KIAA1549L: variants seen among roughly 807,000 people sequenced by gnomAD.
The protein encoded by KIAA1549L is KIAA1549 like.
A neutral mutation model predicts 160.7 loss-of-function variants in KIAA1549L; 88 were observed. The ratio of observed to expected loss-of-function variants is 0.55; its 90% CI spans 0.46 to 0.65. The LOEUF is 0.65. KIAA1549L is among the 30% of genes least tolerant of loss of function. KIAA1549L has a pLI of 0.00. For missense variants in KIAA1549L, 2,258 were observed against 2,437.5 expected (o/e 0.93, Z 1.55); for synonymous variants, 950 against 976.7 (o/e 0.97, Z 0.51).
chr11:33,438,438 G>A (rs972919104), intron 1 of KIAA1549L, among the ~76,000 whole-genome samples: 4 of 152,206 alleles, frequency 2.6e-5, no homozygotes, highest in Non-Finnish European at 4.4e-5. Context: ...AAAGAATCTG[G>A]CAGCTTTGGG....
rs1470998285 is a variant in KIAA1549L at position 33,551,129 on chromosome 11, A to G, written c.3591A>G (p.Glu1197=). The G allele has an allele frequency of 7.4e-6, 12 of 1,613,988 alleles. No homozygotes were observed. Among genetic ancestry groups the G allele is most frequent in the Non-Finnish European group, 9.3e-6 (11 of 1,179,864 alleles). Residue 1197 remains glutamate (E), a synonymous_variant, in exon 5 of 21, where the codon GAA becomes GAG. Coordinates refer to ENST00000658780, the MANE Select transcript of KIAA1549L (RefSeq NM_012194.3). ...TGTATTTGCCTGCTGTGGTGATCGA[A>G]ATGCTGGGTGTGTATGGAGTCAGCA... ...KLVYLPAVVI[E]MLGVYGVSNV... is the part of the protein sequence containing the mutation.
intron 1 of KIAA1549L, among the ~76,000 whole-genome samples, chr11:33,494,265 C>G (rs1365184906): frequency 6.6e-6 from 1 of 152,072 alleles, no homozygotes; most frequent in Non-Finnish European, 1.5e-5. Context: ...GCAAGAAAAC[C>G]AAAACTTAAT....
chr11:33,550,169 A>G (rs1854410770), intron 4 of KIAA1549L, among the ~76,000 whole-genome samples: 1 of 152,096 alleles, frequency 6.6e-6, no homozygotes, highest in Non-Finnish European at 1.5e-5. Context: ...ACAGCACACT[A>G]AAAAATAGTT....
chr11:33,653,868 C>T (rs1370363072), intron 17 of KIAA1549L, among the ~76,000 whole-genome samples: 1 of 151,896 alleles, frequency 6.6e-6, no homozygotes, highest in Non-Finnish European at 1.5e-5. Flanking sequence ...TTATTTACTT[C>T]CTCTACACTG....
chr11:33,420,925 A>C (rs1047941227), intron 1 of KIAA1549L, among the ~76,000 whole-genome samples: 1 of 152,184 alleles, frequency 6.6e-6, no homozygotes, highest in Non-Finnish European at 1.5e-5. Context: ...TTCTCGATGG[A>C]TGGAACCCAT....
intron 1 of KIAA1549L, among the ~76,000 whole-genome samples, chr11:33,407,664 C>T (rs141625525): frequency 2.1e-3 from 312 of 152,174 alleles, no homozygotes; most frequent in Middle Eastern, 3.4e-3. Context: ...CCTTTTAATT[C>T]CTTCAAACCA....
intron 1 of KIAA1549L, among the ~76,000 whole-genome samples, chr11:33,535,864 G>A (rs761436): frequency 1.3e-5 from 2 of 151,818 alleles, no homozygotes; most frequent in African/African-American, 4.8e-5. Context: ...ATTTGGTTTT[G>A]CCCTATTTCT....
At position 33,555,920 on chromosome 11, in the gene KIAA1549L, T is replaced by C. The variant is rs1391292972; in HGVS notation, c.3855+3679T>C. 2.6e-5 allele frequency among the ~76,000 whole-genome samples: 4 copies of C among 152,276 alleles called. No homozygotes were observed. In the East Asian group the frequency reaches 7.7e-4, roughly 29 times the overall value. The stretch of plus-strand genomic sequence containing the variant: ...TGCAAATCATATATCTGGTAAGTAG[T>C]TAATATTCAGAATATATAGAGAATA... On this transcript the variant is annotated intron_variant, in intron 6 of 20. Coordinates refer to ENST00000658780, the MANE Select transcript of KIAA1549L (RefSeq NM_012194.3).
rs201551936 is a variant in KIAA1549L, at chr11:33,440,120, C to CTTTTTTTTTTTTTTT, written c.238+63244_238+63258dup. ...GGTTATTTCCTCACCTATTTTGTTT[C>CTTTTTTTTTTTTTTT]TTTTTTTTTTTTTTTTTTTTTTTTT... On this transcript the variant is annotated intron_variant, in intron 1 of 20. Transcript: ENST00000658780. Among the ~76,000 whole-genome samples the CTTTTTTTTTTTTTTT allele has an allele frequency of 8.6e-4, 72 of 83,416 alleles. 13 individuals are homozygous for CTTTTTTTTTTTTTTT. The highest frequency in any genetic ancestry group is 1.3e-3 in the Non-Finnish European group (54 of 40,736). The allele number at this position is 83,416 out of a possible 152,430, so 54.7% of individuals were successfully genotyped here.
At chr11:33,459,967 A>AAAAAAAAAC (rs1851908871) in intron 1 of KIAA1549L, among the ~76,000 whole-genome samples, 1 of 148,802 alleles carries the variant, frequency 6.7e-6, no homozygotes, top group Non-Finnish European at 1.5e-5. Context: ...TCTCAAAAAA[A>AAAAAAAAAC]AAAAAAAAAA....
In KIAA1549L at chr11:33,645,812, G is replaced by A. The variant is rs754661833; in HGVS notation, c.5536G>A (p.Glu1846Lys). 4.3e-6 allele frequency: 7 copies of A among 1,613,950 alleles called. No individual in the cohort carries two copies. Among genetic ancestry groups the A allele is most frequent in the South Asian group, 3.3e-5 (3 of 91,086 alleles). The part of the protein sequence containing the change: ...STLSSQPSID[E>K]VRQQMHMLLE... ...ACTGAGCTCCCAGCCATCCATCGACGAGGTCAGGCAGCAGATGCACATGCT... is the reference window on the plus strand; with the variant it reads ...ACTGAGCTCCCAGCCATCCATCGACAAGGTCAGGCAGCAGATGCACATGCT... Residue 1846 changes from glutamate (E) to lysine (K), a missense_variant, in exon 17 of 21, where the codon GAG becomes AAG. By Grantham distance (56) the Glu-to-Lys change is moderately conservative. Coordinates refer to ENST00000658780, the MANE Select transcript of KIAA1549L (RefSeq NM_012194.3).
At chr11:33,512,186 C>G (rs1853241888) in intron 1 of KIAA1549L, among the ~76,000 whole-genome samples, 1 of 152,096 alleles carries the variant, frequency 6.6e-6, no homozygotes, top group African/African-American at 2.4e-5. Context: ...AAAAGATGGT[C>G]AGAGTTGTCT....
At chr11:33,503,691 T>C (rs1037975562) in intron 1 of KIAA1549L, among the ~76,000 whole-genome samples, 20 of 152,244 alleles carry the variant, frequency 1.3e-4, no homozygotes, top group African/African-American at 4.8e-4. Flanking sequence ...TGGCTGTACT[T>C]GTAACTTTAT....
intron 1 of KIAA1549L, among the ~76,000 whole-genome samples, chr11:33,383,082 G>C (rs2753412): frequency 0.68 from 103,586 of 151,880 alleles, 35,571 homozygotes; most frequent in African/African-American, 0.73. Flanking sequence ...ACATCCTTCC[G>C]TCAAACTGAC....
At chr11:33,629,483 G>T (rs34415097) in intron 16 of KIAA1549L, among the ~76,000 whole-genome samples, 5 of 151,476 alleles carry the variant, frequency 3.3e-5, no homozygotes, top group African/African-American at 1.2e-4. Flanking sequence ...GGCTTTGCTC[G>T]TTTCTTTTTA....
intron 1 of KIAA1549L, among the ~76,000 whole-genome samples, chr11:33,531,923 G>A (rs750366019): frequency 1.3e-5 from 2 of 152,192 alleles, no homozygotes; most frequent in Non-Finnish European, 2.9e-5. Flanking sequence ...CAGCCCTGGA[G>A]AGAGACACAT....
intron 1 of KIAA1549L, among the ~76,000 whole-genome samples, chr11:33,408,489 G>GTATGTGTATATATA (rs1554974405): frequency 2.7e-4 from 33 of 123,064 alleles, no homozygotes; most frequent in African/African-American, 9.7e-4. Context: ...CTGTATATGT[G>GTATGTGTATATATA]TATATATATA....
At chr11:33,667,054 G>A (rs1852481891) in intron 20 of KIAA1549L, among the ~76,000 whole-genome samples, 1 of 152,190 alleles carries the variant, frequency 6.6e-6, no homozygotes, top group Admixed American at 6.5e-5. Context: ...ACTAAGTGCT[G>A]GGCATGGTGG....
At chr11:33,533,472 G>A (rs962859264) in intron 1 of KIAA1549L, among the ~76,000 whole-genome samples, 1 of 152,162 alleles carries the variant, frequency 6.6e-6, no homozygotes, top group Non-Finnish European at 1.5e-5. Context: ...GATGCGTTTA[G>A]TTCAAGGCTA....
Sources: gnomAD v4.1 joint callset for allele counts (sites outside exome capture counted in the v4.1 genomes callset) on GRCh38, gnomAD v4.1.1 for gene constraint, MANE v1.5 for transcripts, NCBI Gene and HGNC (gene_info 2026-07-23, HGNC 2026-07-21) for gene names.